Variants in PCLO observed in about 807,000 individuals in gnomAD.
PCLO encodes the protein piccolo presynaptic cytomatrix protein.
A neutral mutation model predicts 427.5 loss-of-function variants in PCLO; 82 were observed. The observed-to-expected ratio is 0.19, with a 90% CI of 0.16 to 0.23. PCLO has a LOEUF of 0.23. Among genes scored for constraint, PCLO ranks in the 10% least tolerant of loss-of-function variants. The pLI, the probability that PCLO is intolerant of heterozygous loss-of-function variation, is 1.00. For synonymous variants in PCLO, 2,357 were observed against 2,155.4 expected, an observed-to-expected ratio of 1.09 and a Z score of -2.59; for missense variants, 6,239 against 6,115.9, an observed-to-expected ratio of 1.02 and a Z score of -0.67.
At chr7:82,983,006 T>TA (rs1308427088) in intron 3 of PCLO, among the ~76,000 whole-genome samples, 1 of 151,752 alleles carries the variant, frequency 6.6e-6, no homozygotes, top group Admixed American at 6.6e-5. Context: ...CCTACTCTAA[T>TA]AACACTGATG....
intron 10 of PCLO, among the ~76,000 whole-genome samples, chr7:82,853,257 A>AT (rs1266538967): frequency 6.6e-6 from 1 of 152,046 alleles, no homozygotes; most frequent in Non-Finnish European, 1.5e-5. Flanking sequence ...CAATATACAA[A>AT]ATATATAAAA....
intron 6 of PCLO, among the ~76,000 whole-genome samples, chr7:82,926,360 T>C (rs1219322137): frequency 6.6e-6 from 1 of 152,136 alleles, no homozygotes; most frequent in African/African-American, 2.4e-5. Flanking sequence ...AATATACCAT[T>C]TGTGAAAATA....
At chr7:82,982,490 A>G (rs964415397) in intron 3 of PCLO, among the ~76,000 whole-genome samples, 2 of 152,108 alleles carry the variant, frequency 1.3e-5, no homozygotes, top group African/African-American at 2.4e-5. Context: ...GAAACATCAG[A>G]GAAGGCTCAA....
At chr7:83,041,069 A>G (rs994219599) in intron 3 of PCLO, among the ~76,000 whole-genome samples, 15 of 152,326 alleles carry the variant, frequency 9.8e-5, no homozygotes, top group African/African-American at 3.6e-4. Flanking sequence ...TTTAAGAATT[A>G]TAATTGTGGA....
intron 1 of PCLO, among the ~76,000 whole-genome samples, chr7:83,158,884 A>G (rs1437692195): frequency 6.6e-6 from 1 of 152,030 alleles, no homozygotes; most frequent in East Asian, 1.9e-4. Context: ...TGGAAAGAAA[A>G]TCAAGAGAAA....
chr7:82,976,077 T>C (rs1283338542), intron 3 of PCLO, among the ~76,000 whole-genome samples: 1 of 152,192 alleles, frequency 6.6e-6, no homozygotes, highest in African/African-American at 2.4e-5. Context: ...TGGCAGGTAG[T>C]AGAAGCAAAG....
chr7:82,924,250 T>G (rs1481429374), intron 6 of PCLO, among the ~76,000 whole-genome samples: 1 of 152,038 alleles, frequency 6.6e-6, no homozygotes, highest in Non-Finnish European at 1.5e-5. Flanking sequence ...GTTATGGTAA[T>G]GACAGGAGAA....
chr7:83,048,463 C>G (rs1160979557), intron 3 of PCLO, among the ~76,000 whole-genome samples: 1 of 151,956 alleles, frequency 6.6e-6, no homozygotes. Context: ...TGACATAAAG[C>G]CAACTGAGCT....
intron 9 of PCLO, among the ~76,000 whole-genome samples, chr7:82,899,243 C>A (rs570352771): frequency 1.3e-5 from 2 of 151,240 alleles, no homozygotes; most frequent in Non-Finnish European, 3.0e-5. Context: ...CTTAATATTA[C>A]CAAATATTTA....
chr7:82,909,364 C>A (rs1346761276), intron 7 of PCLO, among the ~76,000 whole-genome samples: 1 of 151,776 alleles, frequency 6.6e-6, no homozygotes, highest in Non-Finnish European at 1.5e-5. Context: ...TCTATTTAAC[C>A]TCAGCCCATC....
intron 7 of PCLO, among the ~76,000 whole-genome samples, chr7:82,912,065 T>C (rs1032752700): frequency 6.6e-6 from 1 of 152,140 alleles, no homozygotes; most frequent in Non-Finnish European, 1.5e-5. Context: ...ATCCTATCAC[T>C]TATACAGTTT....
intron 10 of PCLO, among the ~76,000 whole-genome samples, chr7:82,865,324 C>T (rs1185381787): frequency 6.6e-6 from 1 of 152,016 alleles, no homozygotes; most frequent in East Asian, 1.9e-4. Context: ...CCCGCATCTA[C>T]TAAAAATACA....
intron 4 of PCLO, among the ~76,000 whole-genome samples, chr7:82,964,104 C>T: frequency 6.6e-6 from 1 of 152,012 alleles, no homozygotes; most frequent in East Asian, 1.9e-4. Flanking sequence ...AAAAGGAAGG[C>T]ATTCTAACCA....
chr7:83,056,446 G>T (rs10264824), intron 3 of PCLO, among the ~76,000 whole-genome samples: 3,707 of 152,224 alleles, frequency 0.024, 154 homozygotes, highest in African/African-American at 0.084. Flanking sequence ...TAGATTAAAT[G>T]TTAACAGAAA....
Position 82,951,015 on chromosome 7 carries a change from A to G in PCLO, c.9573T>C (p.Phe3191=). The change falls in exon 6 of 25, where the codon TTT becomes TTC. Residue 3191 remains phenylalanine, a synonymous_variant. Coordinates refer to ENST00000333891, the MANE Select transcript of PCLO (RefSeq NM_033026.6). ...CACTTTCATCTCCCACCACTTCAGG[A>G]AACACTTCGGATGCTGTGGTTAAAG... ...VPTLTTASEV[F]PEVVGDESAL... 2 of 1,613,870 alleles carry G rather than the reference A, an allele frequency of 1.2e-6. No individual in the cohort carries two copies. The highest frequency in any genetic ancestry group is 1.7e-6 in the Non-Finnish European group (2 of 1,179,822).
intron 22 of PCLO, among the ~76,000 whole-genome samples, chr7:82,781,651 G>A (rs778987123): frequency 7.2e-5 from 11 of 152,072 alleles, no homozygotes; most frequent in Non-Finnish European, 1.5e-4. Flanking sequence ...GGTGTGTGAG[G>A]CTTCAGGGGC....
intron 22 of PCLO, among the ~76,000 whole-genome samples, chr7:82,782,972 T>C (rs1438490782): frequency 6.6e-6 from 1 of 152,232 alleles, no homozygotes; most frequent in Non-Finnish European, 1.5e-5. Flanking sequence ...GGTAAGTGCA[T>C]CTGACCCACA....
At position 83,154,787 on chromosome 7, in the gene PCLO, A is replaced by G; in HGVS notation, c.1854T>C (p.Cys618=). Residue 618 remains cysteine, a synonymous_variant, in exon 2 of 25, where the codon TGT becomes TGC. Transcript: ENST00000333891. The stretch of plus-strand genomic sequence containing the variant: ...GATTGGGATTAAAACCACAGAGACT[A>G]CAGACAGTGGTTTGACACTCAGTGC... ...NTCTECQTTV[C]SLCGFNPNPH... The G allele has an allele frequency of 6.2e-7, 1 of 1,614,018 alleles. No individual in the cohort carries two copies. The highest frequency in any genetic ancestry group is 8.5e-7 in the Non-Finnish European group (1 of 1,179,870).
At chr7:83,111,037 C>G (rs4141000) in intron 3 of PCLO, among the ~76,000 whole-genome samples, 90,418 of 152,038 alleles carry the variant, frequency 0.59, 27,905 homozygotes, top group African/African-American at 0.77. Flanking sequence ...GAGAACTTCT[C>G]ATACTGCTTT....
Sources: gnomAD v4.1 joint callset for allele counts (sites outside exome capture counted in the v4.1 genomes callset) on GRCh38, gnomAD v4.1.1 for gene constraint, MANE v1.5 for transcripts, NCBI Gene and HGNC (gene_info 2026-07-23, HGNC 2026-07-21) for gene names.